Variants in GMNC observed in about 807,000 individuals in gnomAD.
The protein encoded by GMNC is geminin coiled-coil domain containing.
In GMNC, 16 loss-of-function variants were observed where a neutral mutation model predicts 33.6. That is an observed-to-expected ratio of 0.48 (90% CI 0.32 to 0.72). The LOEUF is 0.72. Ranked by LOEUF, GMNC falls within the 30% of genes least tolerant of loss-of-function variation. GMNC has a pLI of 0.03. For missense variants in GMNC, 393 were observed against 388.9 expected, an observed-to-expected ratio of 1.01 and a Z score of -0.09; for synonymous variants, 156 against 147.3, an observed-to-expected ratio of 1.06 and a Z score of -0.43.
the GMNC span, among the ~76,000 whole-genome samples, chr3:190,847,166 G>GT: frequency 9.9e-5 from 15 of 152,158 alleles, no homozygotes; most frequent in African/African-American, 3.4e-4. Flanking sequence ...TAGAAGTGCT[G>GT]TTTTTTCCTA....
Position 190,860,586 on chromosome 3 carries a change from T to C in GMNC, c.178+98A>G, listed in dbSNP as rs186348960. On this transcript the variant is annotated intron_variant, in intron 2 of 4. Transcript: ENST00000442080. ...CTTGGGTTTACTTAAATTTTCCATA[T>C]CGTCCCTTATTCTAGAGTCCCAGCC... 123 of 1,024,278 alleles carry C rather than the reference T, an allele frequency of 1.2e-4. 1 individual carries two copies. The Middle Eastern group carries it at 1.7e-3, about 14-fold the overall frequency. The allele number at this position is 1,024,278 out of a possible 1,614,324, so 63.4% of individuals were successfully genotyped here. A position where few individuals can be genotyped will look rare whatever the true frequency, so the allele number is the denominator to read the frequency against.
rs1019857366 is a variant in GMNC, at chr3:190,862,181, T to A, written c.3+432A>T. ...TTATTTTTTATTTTATTTTTTGGAA[T>A]CAGAGCTAAGCTATTATGCAATTGA... On this transcript the variant is annotated intron_variant, in intron 1 of 4. Coordinates refer to ENST00000442080, the MANE Select transcript of GMNC (RefSeq NM_001146686.3). The surrounding 1 kb of genome is among the most constrained non-coding windows in gnomAD (Gnocchi z 4.5). Among the ~76,000 whole-genome samples the A allele has an allele frequency of 2.0e-5, 3 of 152,130 alleles. No individual in the cohort carries two copies. Among genetic ancestry groups the A allele is most frequent in the Admixed American group, 2.0e-4 (3 of 15,276 alleles).
At position 190,858,996 on chromosome 3, in the gene GMNC, A is replaced by T. The variant is rs1737807016; in HGVS notation, c.199T>A (p.Phe67Ile). 1 of 1,547,978 alleles carries T rather than the reference A, an allele frequency of 6.5e-7. No homozygotes were observed. Among genetic ancestry groups the T allele is most frequent in the South Asian group, 1.2e-5 (1 of 83,964 alleles). ...QAQESFSDSN[F>I]PLPDLCSWEE... ...CATGAGCACAAGTCCGGAAGAGGAA[A>T]ATTTGAGTCACTGAATGATTCTGTG... is the stretch of plus-strand genomic sequence containing the variant. Residue 67 changes from phenylalanine to isoleucine, a missense_variant, in exon 3 of 5, where the codon TTT becomes ATT. Transcript: ENST00000442080.
chr3:190,848,555 T>C (rs770315121), downstream of GMNC, among the ~76,000 whole-genome samples: 79 of 152,216 alleles, frequency 5.2e-4, 1 homozygote, highest in Non-Finnish European at 2.6e-4. Flanking sequence ...CAGTGGGCAT[T>C]TGTTGAATTT....
chr3:190,850,816 C>T (rs1242577817), downstream of GMNC, among the ~76,000 whole-genome samples: 3 of 151,910 alleles, frequency 2.0e-5, no homozygotes, highest in Non-Finnish European at 4.4e-5. Context: ...GTAATGTGGC[C>T]CATATAACAC....
At position 190,855,551 on chromosome 3, in the gene GMNC, G is replaced by C. The variant is rs111544243; in HGVS notation, c.749C>G (p.Thr250Arg). Residue 250 changes from threonine to arginine, a missense_variant, in exon 5 of 5, where the codon ACA (threonine) becomes AGA (arginine). Physicochemically the swap from Thr to Arg is moderately conservative, Grantham distance 71. Transcript: ENST00000442080. ...DMPIDYRGDR[T>R]TPLHSTATHG... The stretch of plus-strand genomic sequence containing the variant: ...AGTGGCAGTGCTGTGCAAGGGGGTT[G>C]TTCTGTCACCTCTATAGTCAATTGG... The C allele has an allele frequency of 0.014, 21,926 of 1,551,518 alleles. 292 individuals are homozygous for C. Among genetic ancestry groups the C allele is most frequent in the Admixed American group, 0.045 (2,292 of 51,002 alleles).
Position 190,853,590 on chromosome 3 carries a change from A to G in GMNC, c.*1705T>C, listed in dbSNP as rs982049852. ...CCAAACAGAAACAACAATGAAAGGC[A>G]TGTCTCTGTTACAAAGAATCCTAAC... On this transcript the variant is annotated 3_prime_UTR_variant, in exon 5 of 5. Coordinates refer to ENST00000442080, the MANE Select transcript of GMNC (RefSeq NM_001146686.3). 5.9e-5 allele frequency: 9 copies of G among 152,118 alleles called. No individual in the cohort carries two copies. The highest frequency in any genetic ancestry group is 1.9e-4 in the African/African-American group (8 of 41,440). 9.4% of individuals were successfully genotyped at this position (152,118 alleles called of 1,614,324 possible).
At chr3:190,845,354 T>C in the GMNC span, among the ~76,000 whole-genome samples, 381 of 152,258 alleles carry the variant, frequency 2.5e-3, 5 homozygotes, top group African/African-American at 8.8e-3. Flanking sequence ...AAGAACTACC[T>C]GATACTAGGT....
chr3:190,859,767 T>C (rs1321292206), intron 2 of GMNC: 1 of 435,204 alleles, frequency 2.3e-6, no homozygotes. Flanking sequence ...TACTTTCTTT[T>C]CTTCATCTAG....
the GMNC span, among the ~76,000 whole-genome samples, chr3:190,844,012 G>T: frequency 5.3e-5 from 8 of 152,160 alleles, no homozygotes; most frequent in Non-Finnish European, 1.2e-4. Flanking sequence ...TAAGAATCCA[G>T]AATGGTTACT....
rs915214463 is a variant in GMNC at position 190,861,865 on chromosome 3, T to G, written c.3+748A>C. On this transcript the variant is annotated intron_variant, in intron 1 of 4. Coordinates refer to ENST00000442080, the MANE Select transcript of GMNC (RefSeq NM_001146686.3). The surrounding 1 kb of genome is among the most constrained non-coding windows in gnomAD (Gnocchi z 5.1). ...CAATGTTTAATCAGGTAAAAGCCAT[T>G]CATTTTAGCAGAGCCCAGCTTTGGA... is the stretch of plus-strand genomic sequence containing the variant. Among the ~76,000 whole-genome samples, 4 of 152,186 alleles carry G rather than the reference T, an allele frequency of 2.6e-5. No homozygotes were observed. Among genetic ancestry groups the G allele is most frequent in the Non-Finnish European group, 1.5e-5 (1 of 68,032 alleles).
At chr3:190,845,512 T>TTTTTTTC in the GMNC span, among the ~76,000 whole-genome samples, 2 of 124,888 alleles carry the variant, frequency 1.6e-5, no homozygotes, top group African/African-American at 7.7e-5. Flanking sequence ...TGAAACCTTT[T>TTTTTTTC]TTTTTTTTTT....
Position 190,860,803 on chromosome 3 carries a change from C to T in GMNC, c.59G>A (p.Cys20Tyr), listed in dbSNP as rs1322225445. The T allele has an allele frequency of 6.4e-7, 1 of 1,551,216 alleles. No homozygotes were observed. The highest frequency in any genetic ancestry group is 2.0e-5 in the Admixed American group (1 of 50,958). Residue 20 changes from cysteine to tyrosine, a missense_variant, in exon 2 of 5, where the codon TGC becomes TAC. By Grantham distance (194) the Cys-to-Tyr change is radical (BLOSUM62 -2). Coordinates refer to ENST00000442080, the MANE Select transcript of GMNC (RefSeq NM_001146686.3). ...QYFVGGQSYN[C>Y]PYSTTTSESS... ...TTCTGACGTTGTAGTGGAATACGGG[C>T]AATTATAGCTCTGGCCTCCTACAAA...
chr3:190,855,838 T>C lies in GMNC; in HGVS notation c.462A>G (p.Arg154=), dbSNP rs1379767951. Residue 154 remains arginine, a synonymous_variant, in exon 5 of 5, where the codon AGA becomes AGG. Transcript: ENST00000442080. Reference sequence around the variant, plus strand: ...GATGGGGAATCTCAGCAGGAGAGTATCTTTGCTCTTTGGATTTTCTCTTCC... The same window carrying C: ...GATGGGGAATCTCAGCAGGAGAGTACCTTTGCTCTTTGGATTTTCTCTTCC... ...RKGKRKSKEQ[R]YSPAEIPHPK... 1.9e-6 allele frequency: 3 copies of C among 1,550,880 alleles called. No homozygotes were observed. The highest frequency in any genetic ancestry group is 3.9e-5 in the Admixed American group (2 of 50,954).
chr3:190,843,799 G>A, the GMNC span, among the ~76,000 whole-genome samples: 2 of 152,066 alleles, frequency 1.3e-5, no homozygotes, highest in Admixed American at 6.6e-5. Context: ...TGTATAAAAG[G>A]ACATCTTTCT....
the GMNC span, among the ~76,000 whole-genome samples, chr3:190,845,256 A>G: frequency 6.6e-6 from 1 of 152,168 alleles, no homozygotes; most frequent in Non-Finnish European, 1.5e-5. Flanking sequence ...TTAGGTTGGC[A>G]GATGCGTTAA....
Position 190,857,980 on chromosome 3 carries a change from G to T in GMNC, c.268-81C>A, listed in dbSNP as rs1182832516. The T allele has an allele frequency of 6.5e-6, 5 of 766,598 alleles. No individual in the cohort carries two copies. The African/African-American group carries it at 8.7e-5, about 13-fold the overall frequency. The allele number at this position is 766,598 out of a possible 1,614,324, so 47.5% of individuals were successfully genotyped here. ...ATAATAATGCCACTGCTCCTTAACT[G>T]CCTTAAACTTGATGATTGTTTGTTG... On this transcript the variant is annotated intron_variant, in intron 3 of 4. Coordinates refer to ENST00000442080, the MANE Select transcript of GMNC (RefSeq NM_001146686.3).
intron 3 of GMNC, 68 bp from the exon 4 acceptor site, chr3:190,857,967 C>G: frequency 1.2e-6 from 1 of 837,550 alleles, no homozygotes; most frequent in Non-Finnish European, 2.0e-6. Context: ...AATAATGCCA[C>G]TGCTCCTTAA....
In GMNC at chr3:190,854,091, T is replaced by C. The variant is rs1330985795; in HGVS notation, c.*1204A>G. ...AGTTTACCCTACCTAATACTTGCAG[T>C]GCCTATCTAAAGACTTCTCTTTAGT... is the stretch of plus-strand genomic sequence containing the variant. On this transcript the variant is annotated 3_prime_UTR_variant, in exon 5 of 5. Transcript: ENST00000442080. 6.6e-6 allele frequency: 1 copy of C among 152,180 alleles called. No individual in the cohort carries two copies. Among genetic ancestry groups the C allele is most frequent in the Admixed American group, 6.5e-5 (1 of 15,268 alleles). 9.4% of individuals were successfully genotyped at this position (152,180 alleles called of 1,614,324 possible). A position where few individuals can be genotyped will look rare whatever the true frequency, so the allele number is the denominator to read the frequency against.
Sources: allele counts gnomAD v4.1 joint callset (sites outside exome capture counted in the v4.1 genomes callset), GRCh38; gene constraint gnomAD v4.1.1; non-coding constraint Gnocchi (gnomAD v3.1); transcripts MANE v1.5; gene names NCBI Gene and HGNC (gene_info 2026-07-23, HGNC 2026-07-21).